COL4A4: variants seen among roughly 807,000 people sequenced by gnomAD.
The protein encoded by COL4A4 is collagen type IV alpha 4 chain.
Under a neutral mutation model 192.9 loss-of-function variants are expected in COL4A4, and 105 were observed. The ratio of observed to expected loss-of-function variants is 0.54; its 90% CI spans 0.46 to 0.64. The LOEUF is 0.64. Among genes scored for constraint, COL4A4 ranks in the 30% least tolerant of loss-of-function variants. The probability of loss-of-function intolerance (pLI) is 0.00; values close to 1 mark genes in which losing one functional copy is unlikely to be tolerated. For missense variants in COL4A4, 1,967 were observed against 2,169.3 expected (o/e 0.91, Z 1.85); for synonymous variants, 762 against 769.9 (o/e 0.99, Z 0.17).
chr2:227,030,459 T>A lies in COL4A4; in HGVS notation c.3957A>T (p.Gly1319=). 1.9e-6 allele frequency: 3 copies of A among 1,614,216 alleles called. No homozygotes were observed. The highest frequency in any genetic ancestry group is 2.2e-5 in the South Asian group (2 of 91,082). Residue 1319 remains glycine (G), a synonymous_variant, in exon 41 of 48, where the codon GGA becomes GGT. Coordinates refer to ENST00000396625, the MANE Select transcript of COL4A4 (RefSeq NM_000092.5). ...PGYKGFPGCD[G]KDGQKGPVGF... is the part of the protein sequence containing the mutation. ...CATTCATACCTTTCTGGCCATCTTT[T>A]CCATCACATCCTGGAAAGCCTTTGT...
chr2:227,033,018 T>C (rs539003118), intron 38 of COL4A4, among the ~76,000 whole-genome samples: 60 of 152,336 alleles, frequency 3.9e-4, no homozygotes, highest in Middle Eastern at 6.8e-3. Context: ...AAGGATGCTA[T>C]TAGTACTAAT....
intron 1 of COL4A4, among the ~76,000 whole-genome samples, chr2:227,160,040 A>C (rs771776953): frequency 6.6e-6 from 1 of 152,236 alleles, no homozygotes; most frequent in Non-Finnish European, 1.5e-5. Flanking sequence ...GTAGTTGTAG[A>C]AGACAGACCA....
intron 22 of COL4A4, 94 bp from the exon 23 acceptor site, chr2:227,082,281 A>G (rs938337744): frequency 2.7e-6 from 3 of 1,130,734 alleles, no homozygotes; most frequent in African/African-American, 3.1e-5. Flanking sequence ...TCCCTCCTAA[A>G]TCTCTTGTTA....
chr2:227,079,579 T>C (rs2059211240), intron 24 of COL4A4, among the ~76,000 whole-genome samples: 1 of 152,240 alleles, frequency 6.6e-6, no homozygotes, highest in African/African-American at 2.4e-5. Flanking sequence ...GGTCTTTCCC[T>C]GTTGCAACAC....
chr2:227,157,312 A>G (rs893305562), intron 1 of COL4A4, among the ~76,000 whole-genome samples: 1 of 152,140 alleles, frequency 6.6e-6, no homozygotes, highest in African/African-American at 2.4e-5. Context: ...GCAGAAAAGG[A>G]TCTTCTAGGT....
chr2:227,154,986 C>A (rs2064223612), intron 1 of COL4A4, among the ~76,000 whole-genome samples: 1 of 152,194 alleles, frequency 6.6e-6, no homozygotes, highest in Non-Finnish European at 1.5e-5. Context: ...GCAAAACAGT[C>A]ACTCTCATCC....
intron 4 of COL4A4, among the ~76,000 whole-genome samples, chr2:227,126,883 T>C (rs143089975): frequency 3.9e-5 from 6 of 152,346 alleles, no homozygotes; most frequent in African/African-American, 9.6e-5. Context: ...CAGGTAAATA[T>C]GTAGGCTTAC....
At position 227,007,088 on chromosome 2, in the gene COL4A4, C is replaced by G. The variant is rs1054110396; in HGVS notation, c.*237G>C. The stretch of plus-strand genomic sequence containing the variant: ...AAGTAAAGCCAGTTCTTCGATCATC[C>G]TCAGTAAAATAAGAGTATCTAGGCT... On this transcript the variant is annotated 3_prime_UTR_variant, in exon 48 of 48. Transcript: ENST00000396625. 1.6e-6 allele frequency: 1 copy of G among 620,208 alleles called. No homozygotes were observed. The highest frequency in any genetic ancestry group is 2.9e-6 in the Non-Finnish European group (1 of 346,664). The allele number at this position is 620,208 out of a possible 1,614,324, so 38.4% of individuals were successfully genotyped here.
At chr2:227,073,482 C>A (rs923816801) in intron 25 of COL4A4, among the ~76,000 whole-genome samples, 1 of 151,948 alleles carries the variant, frequency 6.6e-6, no homozygotes, top group Admixed American at 6.6e-5. Flanking sequence ...AAGTAATCTA[C>A]AGATTCAGTG....
chr2:227,101,088 T>G (rs375727962), intron 17 of COL4A4, among the ~76,000 whole-genome samples: 11 of 152,214 alleles, frequency 7.2e-5, no homozygotes, highest in East Asian at 1.9e-4. Context: ...GATTACAGGC[T>G]TGAGCCACCA....
At chr2:227,029,486 G>T (rs1217989209) in intron 41 of COL4A4, among the ~76,000 whole-genome samples, 1 of 152,212 alleles carries the variant, frequency 6.6e-6, no homozygotes, top group Admixed American at 6.5e-5. Flanking sequence ...GATGCCATTT[G>T]CACTATAGTC....
chr2:227,080,324 T>C, intron 24 of COL4A4, 119 bp downstream of exon 24: 7 of 941,062 alleles, frequency 7.4e-6, no homozygotes, highest in Non-Finnish European at 1.2e-5. Context: ...GTGACTCTGA[T>C]TTATAGTATG....
At chr2:226,990,195 TCCCTTCAGG>T in the COL4A4 span, among the ~76,000 whole-genome samples, 1 of 152,196 alleles carries the variant, frequency 6.6e-6, no homozygotes, top group Non-Finnish European at 1.5e-5. Flanking sequence ...AGACCTGGGG[TCCCTTCAGG>T]CCTTTTTGGT....
intron 4 of COL4A4, among the ~76,000 whole-genome samples, chr2:227,130,456 T>G (rs1450339299): frequency 1.3e-5 from 2 of 152,120 alleles, no homozygotes; most frequent in African/African-American, 4.8e-5. Context: ...TCTAACCCAC[T>G]CAACTCTCCC....
intron 25 of COL4A4, among the ~76,000 whole-genome samples, chr2:227,074,444 T>G (rs2058906998): frequency 1.3e-5 from 2 of 152,124 alleles, no homozygotes; most frequent in Admixed American, 6.6e-5. Context: ...ACTTATACAA[T>G]GCTGATGGAA....
At chr2:227,041,862 GAAAGAA>G (rs1559478601) in intron 37 of COL4A4, among the ~76,000 whole-genome samples, 4 of 118,396 alleles carry the variant, frequency 3.4e-5, no homozygotes, top group African/African-American at 1.5e-4. Flanking sequence ...AAGAAAGAAA[GAAAGAA>G]AGAAAGAAAG....
chr2:227,014,619 G>C (rs888214071), intron 44 of COL4A4, among the ~76,000 whole-genome samples: 2 of 152,226 alleles, frequency 1.3e-5, no homozygotes, highest in African/African-American at 4.8e-5. Context: ...CCTTCTTACA[G>C]ATCAGGAAAC....
intron 25 of COL4A4, among the ~76,000 whole-genome samples, chr2:227,067,917 A>G (rs1414819052): frequency 7.2e-6 from 1 of 139,698 alleles, no homozygotes; most frequent in East Asian, 2.0e-4. Flanking sequence ...CAAAAAATTA[A>G]TGAATCCAGG....
chr2:227,115,646 A>T (rs1386965120), intron 7 of COL4A4, among the ~76,000 whole-genome samples: 1 of 152,208 alleles, frequency 6.6e-6, no homozygotes, highest in Non-Finnish European at 1.5e-5. Flanking sequence ...TCAAGCTCAT[A>T]TGAAAGATAT....
Sources: allele counts gnomAD v4.1 joint callset (sites outside exome capture counted in the v4.1 genomes callset), GRCh38; gene constraint gnomAD v4.1.1; transcripts MANE v1.5; gene names NCBI Gene and HGNC (gene_info 2026-07-23, HGNC 2026-07-21).